The following ACVR1C variants were observed in gnomAD, a reference collection of about 807,000 sequenced individuals.
ACVR1C encodes activin receptor type-1C.
ACVR1C carries 23 observed loss-of-function variants against 57.9 expected under a neutral mutation model. That is an observed-to-expected ratio of 0.40 (90% confidence interval 0.29 to 0.56). The LOEUF is 0.56. Ranked by LOEUF, ACVR1C falls within the 20% of genes least tolerant of loss-of-function variation. The pLI is 0.50. For missense variants in ACVR1C, 480 were observed against 607.9 expected, an observed-to-expected ratio of 0.79 and a Z score of 2.21; for synonymous variants, 214 against 215.3, an observed-to-expected ratio of 0.99 and a Z score of 0.05.
intron 5 of ACVR1C, among the ~76,000 whole-genome samples, chr2:157,543,123 C>T (rs1255401966): frequency 1.3e-5 from 2 of 152,124 alleles, no homozygotes; most frequent in Non-Finnish European, 2.9e-5. Context: ...GACTAGATCA[C>T]TAATAAACAT....
intron 1 of ACVR1C, chr2:157,597,527 CG>C (rs1301676097): frequency 1.0e-6 from 1 of 985,462 alleles, no homozygotes; most frequent in Non-Finnish European, 1.2e-6. Context: ...ACAGCTCCCG[CG>C]GGGCTCGGCC....
At chr2:157,600,645 A>G (rs898004839) in intron 1 of ACVR1C, among the ~76,000 whole-genome samples, 1 of 152,232 alleles carries the variant, frequency 6.6e-6, no homozygotes, top group African/African-American at 2.4e-5. Context: ...GATATGATAA[A>G]GAATAGATAA....
chr2:157,540,382 C>T (rs562160090), intron 7 of ACVR1C, among the ~76,000 whole-genome samples: 1 of 150,984 alleles, frequency 6.6e-6, no homozygotes, highest in African/African-American at 2.4e-5. Flanking sequence ...TTTTTTGAGA[C>T]AGAGTTTCGC....
chr2:157,561,859 T>G (rs985933813), intron 2 of ACVR1C, among the ~76,000 whole-genome samples: 1 of 152,238 alleles, frequency 6.6e-6, no homozygotes, highest in African/African-American at 2.4e-5. Flanking sequence ...CCAAATGGAT[T>G]GCTTTGTATG....
At chr2:157,593,710 T>C (rs771163206) in intron 1 of ACVR1C, among the ~76,000 whole-genome samples, 8 of 152,214 alleles carry the variant, frequency 5.3e-5, no homozygotes, top group Non-Finnish European at 8.8e-5. Context: ...GGCAAAGATC[T>C]AGCTTCCTTT....
rs374207117 is a variant in ACVR1C, at chr2:157,531,220, G to A, written c.*2698C>T. 17 of 151,926 alleles carry A rather than the reference G, an allele frequency of 1.1e-4. No individual in the cohort carries two copies. The highest frequency in any genetic ancestry group is 8.5e-4 in the Admixed American group (13 of 15,230). The allele number at this position is 151,926 out of a possible 1,614,324, so 9.4% of individuals were successfully genotyped here. A position where few individuals can be genotyped will look rare whatever the true frequency, so the allele number is the denominator to read the frequency against. On this transcript the variant is annotated 3_prime_UTR_variant, in exon 9 of 9. Coordinates refer to ENST00000243349, the MANE Select transcript of ACVR1C (RefSeq NM_145259.3). ...TTCATCATCCTATTTTTGTAAGTGA[G>A]CATGTTCTATATATAATCCTGTTAA...
chr2:157,536,826 T>C (rs1687499552), intron 8 of ACVR1C, among the ~76,000 whole-genome samples: 1 of 151,992 alleles, frequency 6.6e-6, no homozygotes, highest in South Asian at 2.1e-4. Flanking sequence ...AGAAACAAAA[T>C]ACTGGACAAA....
intron 3 of ACVR1C, among the ~76,000 whole-genome samples, chr2:157,550,777 T>C (rs1226209541): frequency 1.3e-5 from 2 of 149,330 alleles, no homozygotes; most frequent in East Asian, 3.9e-4. Context: ...ATAAAATGTA[T>C]GGTTCCTGGT....
rs201659201 is a variant in ACVR1C, at chr2:157,603,816, TC to T, written c.74-16400del. On this transcript the variant is annotated intron_variant, in intron 1 of 8. Coordinates refer to ENST00000243349, the MANE Select transcript of ACVR1C (RefSeq NM_145259.3). Reference sequence around the variant, plus strand: ...AACACATTTTAATATGTACAGAAATTCCTTACTTTCAAAGAAGTTATAAAAC... The same window carrying T: ...AACACATTTTAATATGTACAGAAATTCTTACTTTCAAAGAAGTTATAAAAC... Among the ~76,000 whole-genome samples the T allele has an allele frequency of 1.4e-3, 209 of 152,246 alleles. 4 individuals carry two copies. In the East Asian group the frequency reaches 0.039, roughly 28 times the overall value.
At chr2:157,623,778 T>A (rs1682837840) in intron 1 of ACVR1C, among the ~76,000 whole-genome samples, 1 of 152,148 alleles carries the variant, frequency 6.6e-6, no homozygotes, top group Admixed American at 6.5e-5. Context: ...ATAAAATGCT[T>A]GAGGGGATGG....
chr2:157,623,121 G>A (rs1288226592), intron 1 of ACVR1C, among the ~76,000 whole-genome samples: 2 of 152,178 alleles, frequency 1.3e-5, no homozygotes, highest in African/African-American at 2.4e-5. Context: ...ATGCTGGCAA[G>A]GATGTGGAAA....
intron 2 of ACVR1C, among the ~76,000 whole-genome samples, chr2:157,586,144 G>A (rs1042531751): frequency 1.3e-5 from 2 of 151,976 alleles, no homozygotes; most frequent in Admixed American, 6.6e-5. Flanking sequence ...AAGAGAAAAT[G>A]CAAAATACCT....
At chr2:157,564,564 A>G (rs1688315379) in intron 2 of ACVR1C, among the ~76,000 whole-genome samples, 1 of 152,236 alleles carries the variant, frequency 6.6e-6, no homozygotes, top group Middle Eastern at 3.2e-3. Context: ...TCAAGGATCT[A>G]GAACCAGGAA....
intron 1 of ACVR1C, among the ~76,000 whole-genome samples, chr2:157,624,799 G>C (rs1241007573): frequency 6.6e-6 from 1 of 152,152 alleles, no homozygotes; most frequent in Non-Finnish European, 1.5e-5. Context: ...CATGCATCAG[G>C]AATGGTTTAT....
At chr2:157,597,458 G>T (rs543943571) in intron 1 of ACVR1C, 257 of 985,324 alleles carry the variant, frequency 2.6e-4, no homozygotes, top group Non-Finnish European at 3.0e-4. Context: ...GACACCCTGC[G>T]GTCGCCGGGA....
At chr2:157,560,352 A>G (rs1688205411) in intron 2 of ACVR1C, among the ~76,000 whole-genome samples, 1 of 152,202 alleles carries the variant, frequency 6.6e-6, no homozygotes, top group Admixed American at 6.5e-5. Flanking sequence ...TCTTTAGCAT[A>G]TGCTATAAGA....
chr2:157,544,388 C>A, intron 5 of ACVR1C, 57 bp downstream of exon 5: 2 of 1,457,110 alleles, frequency 1.4e-6, no homozygotes, highest in African/African-American at 1.4e-5. Context: ...TAAAATATAA[C>A]TAAGTACCTC....
intron 8 of ACVR1C, among the ~76,000 whole-genome samples, chr2:157,537,220 A>C (rs1183084203): frequency 6.6e-6 from 1 of 152,072 alleles, no homozygotes; most frequent in Non-Finnish European, 1.5e-5. Context: ...GCAAAGCAAG[A>C]AATTAGTAAA....
Position 157,587,236 on chromosome 2 carries a change from T to C in ACVR1C, c.255A>G (p.Glu85=). ...TGTTGCAAAAATCTGTGAAGCAGCA[T>C]TCGGTTTTGGTAACATTGTTGGAAC... The part of the protein sequence containing the change: ...CHSSNNVTKT[E]CCFTDFCNNI... Residue 85 remains glutamate, a synonymous_variant, in exon 2 of 9, where the codon GAA becomes GAG. Transcript: ENST00000243349. 2 of 1,613,670 alleles carry C rather than the reference T, an allele frequency of 1.2e-6. No homozygotes were observed. The highest frequency in any genetic ancestry group is 2.2e-5 in the South Asian group (2 of 91,082).
Sources: gnomAD v4.1 joint callset for allele counts (sites outside exome capture counted in the v4.1 genomes callset) on GRCh38, gnomAD v4.1.1 for gene constraint, MANE v1.5 for transcripts, NCBI Gene and HGNC (gene_info 2026-07-23, HGNC 2026-07-21) for gene names.